The following DCTN3 variants were observed in gnomAD, a reference collection of about 807,000 sequenced individuals.
The protein encoded by DCTN3 is dynactin subunit 3.
Under a neutral mutation model 28.4 loss-of-function variants are expected in DCTN3, and 25 were observed. That is an observed-to-expected ratio of 0.88 (90% CI 0.64 to 1.23). The LOEUF (loss-of-function observed/expected upper bound fraction) is 1.23. Ranked by LOEUF, DCTN3 falls within the 50% of genes most tolerant of loss-of-function variation. The probability of loss-of-function intolerance (pLI) is 0.00; values close to 1 mark genes in which losing one functional copy is unlikely to be tolerated. For synonymous variants in DCTN3, 81 were observed against 91.4 expected (o/e 0.89, Z 0.65); for missense variants, 229 against 232.0 (o/e 0.99, Z 0.08).
chr9:34,615,547 T>C (rs1256618618), intron 4 of DCTN3: 4 of 150,096 alleles, frequency 2.7e-5, no homozygotes, highest in Non-Finnish European at 5.9e-5. Flanking sequence ...TTGCCTGAGG[T>C]CCTAAAACTG....
At chr9:34,617,796 A>G (rs757784721) in intron 3 of DCTN3, 89 bp downstream of exon 3, 6 of 1,575,494 alleles carry the variant, frequency 3.8e-6, no homozygotes, top group South Asian at 2.3e-5. Flanking sequence ...TGTATCCACC[A>G]GAAGACTGGA....
intron 5 of DCTN3, chr9:34,614,450 T>C (rs1338683406): frequency 4.9e-6 from 3 of 613,520 alleles, no homozygotes; most frequent in African/African-American, 1.8e-5. Flanking sequence ...TGACATACCA[T>C]CCCCAGGAAT....
chr9:34,620,413 C>A lies in DCTN3; in HGVS notation c.52G>T (p.Glu18Ter). 6.4e-7 allele frequency: 1 copy of A among 1,571,032 alleles called. No individual in the cohort carries two copies. Among genetic ancestry groups the A allele is most frequent in the East Asian group, 2.4e-5 (1 of 42,198 alleles). ...CCGCCCGGCCCGTACACCCAGCGCTCCAGCTCTTCCACTCGGGCCTGTAGC... is the reference window on the plus strand; with the variant it reads ...CCGCCCGGCCCGTACACCCAGCGCTACAGCTCTTCCACTCGGGCCTGTAGC... ...QRLQARVEELERWVYGPGGAR... is the reference protein window; with the variant it reads ...QRLQARVEEL The change falls in exon 1 of 7, where the codon GAG becomes TAG. Residue 18 changes from glutamate (E) to a stop codon, truncating the protein, a stop_gained. Coordinates refer to ENST00000259632, the MANE Select transcript of DCTN3 (RefSeq NM_007234.5). LOFTEE classifies it high-confidence loss of function.
intron 2 of DCTN3, among the ~76,000 whole-genome samples, chr9:34,618,371 T>A (rs932535096): frequency 3.9e-5 from 6 of 152,204 alleles, no homozygotes; most frequent in Non-Finnish European, 8.8e-5. Context: ...GTCTAATTTG[T>A]TTCCTGCCCC....
intron 5 of DCTN3, chr9:34,614,377 C>G: frequency 2.9e-6 from 2 of 692,996 alleles, no homozygotes; most frequent in Non-Finnish European, 4.7e-6. Flanking sequence ...TTTCTGAACT[C>G]TCTTTGAACT....
chr9:34,613,677 T>C lies in DCTN3; in HGVS notation c.*105A>G, dbSNP rs1820353743. On this transcript the variant is annotated 3_prime_UTR_variant, in exon 7 of 7. Coordinates refer to ENST00000259632, the MANE Select transcript of DCTN3 (RefSeq NM_007234.5). ...GCCCAGAGTACAGAGAGGTGGGCCT[T>C]GAAGCCAATAAATACAAAGCTTCCT... 2 of 1,488,076 alleles carry C rather than the reference T, an allele frequency of 1.3e-6. No individual in the cohort carries two copies. The highest frequency in any genetic ancestry group is 2.0e-5 in the Admixed American group (1 of 48,878). 92.2% of individuals were successfully genotyped at this position (1,488,076 alleles called of 1,614,324 possible). A position where few individuals can be genotyped will look rare whatever the true frequency, so the allele number is the denominator to read the frequency against.
chr9:34,620,322 C>A lies in DCTN3; in HGVS notation c.96+47G>T, dbSNP rs112093827. The A allele has an allele frequency of 1.3e-4, 202 of 1,557,806 alleles. 3 individuals carry two copies. In the African/African-American group the frequency reaches 2.2e-3, roughly 17 times the overall value. On this transcript the variant is annotated intron_variant, in intron 1 of 6. Coordinates refer to ENST00000259632, the MANE Select transcript of DCTN3 (RefSeq NM_007234.5). ...CATCCCGAGGGCCAGGACAGTGGAC[C>A]GCTCTTGCTCTGCTCCAGAAAGGGA...
intron 4 of DCTN3, 161 bp downstream of exon 4, chr9:34,615,869 C>G: frequency 1.9e-6 from 1 of 531,800 alleles, no homozygotes; most frequent in East Asian, 3.3e-5. Context: ...CCACTGCACT[C>G]CAGCCTGGGT....
chr9:34,620,431 C>T lies in DCTN3; in HGVS notation c.34G>A (p.Ala12Thr), dbSNP rs773274648. 2.8e-5 allele frequency: 43 copies of T among 1,559,276 alleles called. No homozygotes were observed. In the South Asian group the frequency reaches 4.7e-4, roughly 17 times the overall value. ...AGLTDLQRLQ[A>T]RVEELERWVY... ...CAGCGCTCCAGCTCTTCCACTCGGG[C>T]CTGTAGCCGCTGCAAGTCAGTCAGA... The change falls in exon 1 of 7, where the codon GCC (alanine) becomes ACC (threonine). Residue 12 changes from alanine (A) to threonine (T), a missense_variant. By Grantham distance (58) the Ala-to-Thr change is moderately conservative. Coordinates refer to ENST00000259632, the MANE Select transcript of DCTN3 (RefSeq NM_007234.5).
intron 4 of DCTN3, 82 bp downstream of exon 4, chr9:34,615,948 A>G (rs1299824864): frequency 1.7e-6 from 2 of 1,200,180 alleles, no homozygotes; most frequent in Non-Finnish European, 2.4e-6. Flanking sequence ...AATCCACACA[A>G]CCTGAAACAC....
At chr9:34,614,860 T>C (rs1820387853) in intron 4 of DCTN3, 92 bp from the exon 5 acceptor site, 1 of 1,504,146 alleles carries the variant, frequency 6.6e-7, no homozygotes. Context: ...GATTAGAGTA[T>C]TGAGTGGAGA....
At chr9:34,613,996 C>A (rs750404732) in intron 6 of DCTN3, 46 bp downstream of exon 6, 1 of 1,605,530 alleles carries the variant, frequency 6.2e-7, no homozygotes, top group Non-Finnish European at 8.5e-7. Context: ...AAGGACAGGG[C>A]TTAGGGACAG....
intron 1 of DCTN3, among the ~76,000 whole-genome samples, chr9:34,619,558 A>G (rs1410123451): frequency 1.3e-5 from 2 of 152,180 alleles, no homozygotes; most frequent in Non-Finnish European, 2.9e-5. Flanking sequence ...GGGGGAGGCA[A>G]ATAACACTGA....
chr9:34,617,721 T>G, intron 3 of DCTN3, 164 bp downstream of exon 3: 5 of 1,512,742 alleles, frequency 3.3e-6, no homozygotes, highest in Admixed American at 2.0e-5. Flanking sequence ...CAATGTCTAC[T>G]AGAGGATCCA....
rs963485703 is a variant in DCTN3, at chr9:34,618,620, C to A, written c.181+56G>T. 8.6e-6 allele frequency: 12 copies of A among 1,393,290 alleles called. No homozygotes were observed. In the East Asian group the frequency reaches 2.1e-4, roughly 24 times the overall value. The allele number at this position is 1,393,290 out of a possible 1,614,324, so 86.3% of individuals were successfully genotyped here. On this transcript the variant is annotated intron_variant, in intron 2 of 6. Coordinates refer to ENST00000259632, the MANE Select transcript of DCTN3 (RefSeq NM_007234.5). ...TGAACTGAAGGGCTAGGGCCAGGTA[C>A]CAGGAAGCTGAGGGGTGGGATGTCG...
intron 5 of DCTN3, chr9:34,614,309 G>A: frequency 3.6e-6 from 4 of 1,126,748 alleles, no homozygotes; most frequent in Non-Finnish European, 3.8e-6. Context: ...ATGGAAAAGG[G>A]AGTGGCCATA....
chr9:34,620,465 C>A lies in DCTN3; in HGVS notation c.-1G>T, dbSNP rs1176384059. The A allele has an allele frequency of 1.3e-6, 2 of 1,549,728 alleles. No individual in the cohort carries two copies. Among genetic ancestry groups the A allele is most frequent in the Non-Finnish European group, 1.7e-6 (2 of 1,147,444 alleles). ...GCTGCAAGTCAGTCAGACCCGCCAT[C>A]GCTACTACCGACCCACCTCGGCCAG... On this transcript the variant is annotated 5_prime_UTR_variant, in exon 1 of 7. Transcript: ENST00000259632.
intron 5 of DCTN3, 60 bp from the exon 6 acceptor site, chr9:34,614,161 C>A (rs1489221321): frequency 1.2e-6 from 2 of 1,613,742 alleles, no homozygotes; most frequent in East Asian, 4.5e-5. Flanking sequence ...TTCCACTAAA[C>A]TTCCTGCCTC....
intron 1 of DCTN3, among the ~76,000 whole-genome samples, chr9:34,618,972 T>A (rs1820489701): frequency 6.6e-6 from 1 of 152,192 alleles, no homozygotes; most frequent in Non-Finnish European, 1.5e-5. Flanking sequence ...GAGTTTCAAG[T>A]CTGATGGGGA....
Sources: allele counts gnomAD v4.1 joint callset (sites outside exome capture counted in the v4.1 genomes callset), GRCh38; gene constraint gnomAD v4.1.1; transcripts MANE v1.5; gene names NCBI Gene and HGNC (gene_info 2026-07-23, HGNC 2026-07-21).